The following DCUN1D3 variants were observed in gnomAD, a reference collection of about 807,000 sequenced individuals.
DCUN1D3 encodes the protein DCN1-like protein 3.
A neutral mutation model predicts 24.8 loss-of-function variants in DCUN1D3; 6 were observed. That is an observed-to-expected ratio of 0.24 (90% CI 0.13 to 0.48). The LOEUF (loss-of-function observed/expected upper bound fraction) is 0.48, where lower values mean the gene tolerates loss of function less well. DCUN1D3 is among the 20% of genes least tolerant of loss of function. The probability of loss-of-function intolerance (pLI) is 0.99; values close to 1 mark genes in which losing one functional copy is unlikely to be tolerated. For synonymous variants in DCUN1D3, 120 were observed against 144.9 expected (o/e 0.83, Z 1.24); for missense variants, 258 against 379.4 (o/e 0.68, Z 2.66).
intron 1 of DCUN1D3, among the ~76,000 whole-genome samples, chr16:20,866,991 C>T (rs1482973729): frequency 6.6e-6 from 1 of 152,206 alleles, no homozygotes; most frequent in African/African-American, 2.4e-5. Context: ...AGTTGAAGGT[C>T]TCCCGTAGAC....
rs184054170 is a variant in DCUN1D3, at chr16:20,856,714, T to C, written c.*3172A>G. ...AGGAGGTGGGGTTAAGAACGATACA[T>C]TGAGATTTGGCAAAGATGGGGGAAA... On this transcript the variant is annotated 3_prime_UTR_variant, in exon 3 of 3. Transcript: ENST00000324344. 24 of 152,290 alleles carry C rather than the reference T, an allele frequency of 1.6e-4. 1 individual carries two copies. The highest frequency in any genetic ancestry group is 1.3e-3 in the Admixed American group (20 of 15,290). The allele number at this position is 152,290 out of a possible 1,614,324, so 9.4% of individuals were successfully genotyped here.
At chr16:20,873,885 C>T (rs965508384) in intron 1 of DCUN1D3, among the ~76,000 whole-genome samples, 2 of 152,038 alleles carry the variant, frequency 1.3e-5, no homozygotes, top group African/African-American at 4.8e-5. Context: ...TCACATGGGG[C>T]TCAGCTCAAA....
chr16:20,867,331 G>A (rs1394637578), intron 1 of DCUN1D3, among the ~76,000 whole-genome samples: 2 of 152,116 alleles, frequency 1.3e-5, no homozygotes, highest in Non-Finnish European at 1.5e-5. Context: ...TCAGCCACTG[G>A]AGAGAGAACA....
chr16:20,889,684 T>C (rs2081882920), intron 1 of DCUN1D3, among the ~76,000 whole-genome samples: 1 of 152,196 alleles, frequency 6.6e-6, no homozygotes, highest in Non-Finnish European at 1.5e-5. Flanking sequence ...AAAAATGTAT[T>C]TGGTCTTTGT....
rs2081873738 is a variant in DCUN1D3, at chr16:20,887,712, T to A, written c.-106+12492A>T. Among the ~76,000 whole-genome samples the A allele has an allele frequency of 2.0e-5, 3 of 152,332 alleles. No individual in the cohort carries two copies. In the South Asian group the frequency reaches 6.2e-4, roughly 32 times the overall value. On this transcript the variant is annotated intron_variant, in intron 1 of 2. Coordinates refer to ENST00000324344, the MANE Select transcript of DCUN1D3 (RefSeq NM_173475.4). ...GTCAGGAAGCCCTTTTGCATGTGGATCTGGGCTTTTCTCTTTATCTGAGAC... is the reference window on the plus strand; with the variant it reads ...GTCAGGAAGCCCTTTTGCATGTGGAACTGGGCTTTTCTCTTTATCTGAGAC...
chr16:20,878,221 C>T (rs971131955), intron 1 of DCUN1D3, among the ~76,000 whole-genome samples: 7 of 152,186 alleles, frequency 4.6e-5, no homozygotes, highest in African/African-American at 1.7e-4. Flanking sequence ...TTATGAGTTT[C>T]TCAGATAATG....
At chr16:20,873,679 C>A (rs2081800705) in intron 1 of DCUN1D3, among the ~76,000 whole-genome samples, 1 of 152,202 alleles carries the variant, frequency 6.6e-6, no homozygotes, top group Non-Finnish European at 1.5e-5. Flanking sequence ...TCATAAAGAA[C>A]TATGGGACTC....
At chr16:20,892,809 G>A (rs566210375) in intron 1 of DCUN1D3, among the ~76,000 whole-genome samples, 4 of 152,298 alleles carry the variant, frequency 2.6e-5, no homozygotes, top group Admixed American at 2.6e-4. Context: ...CTATTTGAAT[G>A]TAATATGGTC....
At chr16:20,864,852 G>A (rs953309848) in intron 1 of DCUN1D3, among the ~76,000 whole-genome samples, 1 of 152,164 alleles carries the variant, frequency 6.6e-6, no homozygotes, top group Non-Finnish European at 1.5e-5. Context: ...AACACACATG[G>A]AGCTGGAGGC....
chr16:20,896,365 A>T (rs1473553015), intron 1 of DCUN1D3: 1 of 152,190 alleles, frequency 6.6e-6, no homozygotes, highest in Non-Finnish European at 1.5e-5. Flanking sequence ...ACCTTTCAGA[A>T]GAGTTTGTCC....
chr16:20,891,604 C>T (rs1433644748), intron 1 of DCUN1D3, among the ~76,000 whole-genome samples: 1 of 152,102 alleles, frequency 6.6e-6, no homozygotes, highest in South Asian at 2.1e-4. Flanking sequence ...AGCCGGCCTT[C>T]GAGGGGGCAC....
chr16:20,886,923 T>C (rs1392312250), intron 1 of DCUN1D3, among the ~76,000 whole-genome samples: 2 of 152,260 alleles, frequency 1.3e-5, no homozygotes. Context: ...GTTGCAATTT[T>C]GTCTTTGACA....
At chr16:20,882,214 C>A (rs2081847538) in intron 1 of DCUN1D3, among the ~76,000 whole-genome samples, 1 of 151,850 alleles carries the variant, frequency 6.6e-6, no homozygotes, top group Admixed American at 6.6e-5. Context: ...TGACTGAGAG[C>A]CTCTCTGCCC....
At position 20,860,280 on chromosome 16, in the gene DCUN1D3, T is replaced by G. The variant is rs766449301; in HGVS notation, c.521A>C (p.Lys174Thr). 4 of 1,614,104 alleles carry G rather than the reference T, an allele frequency of 2.5e-6. No homozygotes were observed. Among genetic ancestry groups the G allele is most frequent in the Non-Finnish European group, 3.4e-6 (4 of 1,180,044 alleles). Reference sequence around the variant, plus strand: ...GAGATCCTTGAATTTATCCTCTTGTTTGGCTTCTGTTAAGAGGCTAGGGAA... The same window carrying G: ...GAGATCCTTGAATTTATCCTCTTGTGTGGCTTCTGTTAAGAGGCTAGGGAA... The part of the protein sequence containing the change: ...ARFPSLLTEA[K>T]QEDKFKDLYR... The change falls in exon 3 of 3, where the codon AAA becomes ACA. Residue 174 changes from lysine (K) to threonine (T), a missense_variant. Physicochemically the swap from Lys to Thr is moderately conservative, Grantham distance 78. Transcript: ENST00000324344. The surrounding 1 kb of genome is among the most constrained non-coding windows in gnomAD (Gnocchi z 4.3).
chr16:20,895,603 G>A (rs1020350140), intron 1 of DCUN1D3, among the ~76,000 whole-genome samples: 1 of 152,222 alleles, frequency 6.6e-6, no homozygotes, highest in African/African-American at 2.4e-5. Context: ...CCAAGGGGAT[G>A]TAAATATGTT....
intron 1 of DCUN1D3, among the ~76,000 whole-genome samples, chr16:20,897,056 C>A (rs1223013214): frequency 6.6e-6 from 1 of 152,202 alleles, no homozygotes; most frequent in Non-Finnish European, 1.5e-5. Context: ...TTCGTTTTCC[C>A]CAAACACTAA....
intron 1 of DCUN1D3, among the ~76,000 whole-genome samples, chr16:20,894,580 T>C (rs2081906892): frequency 6.6e-6 from 1 of 152,222 alleles, no homozygotes; most frequent in Non-Finnish European, 1.5e-5. Flanking sequence ...TCCAAGCTTC[T>C]GTGTGGCAAT....
intron 1 of DCUN1D3, among the ~76,000 whole-genome samples, chr16:20,888,127 G>A (rs1228566193): frequency 6.6e-6 from 1 of 152,198 alleles, no homozygotes; most frequent in Non-Finnish European, 1.5e-5. Flanking sequence ...GACTATAAGA[G>A]GAGGTAAAAT....
In DCUN1D3 at chr16:20,859,308, C is replaced by T. The variant is rs924584404; in HGVS notation, c.*578G>A. The T allele has an allele frequency of 2.0e-5, 3 of 152,610 alleles. No homozygotes were observed. Among genetic ancestry groups the T allele is most frequent in the Admixed American group, 1.3e-4 (2 of 15,286 alleles). 9.5% of individuals were successfully genotyped at this position (152,610 alleles called of 1,614,324 possible). A position where few individuals can be genotyped will look rare whatever the true frequency, so the allele number is the denominator to read the frequency against. On this transcript the variant is annotated 3_prime_UTR_variant, in exon 3 of 3. Coordinates refer to ENST00000324344, the MANE Select transcript of DCUN1D3 (RefSeq NM_173475.4). ...CCTTGGCTCTCCAAGAGCTCTAAAT[C>T]GCCTGGGAATTAATGCAATGTGGTT...
Sources: allele counts gnomAD v4.1 joint callset (sites outside exome capture counted in the v4.1 genomes callset), GRCh38; gene constraint gnomAD v4.1.1; non-coding constraint Gnocchi (gnomAD v3.1); transcripts MANE v1.5; gene names NCBI Gene and HGNC (gene_info 2026-07-23, HGNC 2026-07-21).